Variants in DPP10 observed in about 807,000 individuals in gnomAD.
DPP10 encodes inactive dipeptidyl peptidase 10.
A neutral mutation model predicts 120.9 loss-of-function variants in DPP10; 33 were observed. The ratio of observed to expected loss-of-function variants is 0.27; its 90% confidence interval spans 0.21 to 0.37. DPP10 has a LOEUF of 0.37. Among genes scored for constraint, DPP10 ranks in the 10% least tolerant of loss-of-function variants. DPP10 has a pLI of 1.00. For synonymous variants in DPP10, 337 were observed against 326.1 expected (o/e 1.03, Z -0.36); for missense variants, 816 against 942.8 (o/e 0.87, Z 1.76).
At chr2:115,586,585 GT>G (rs1360924340) in intron 5 of DPP10, among the ~76,000 whole-genome samples, 1 of 152,134 alleles carries the variant, frequency 6.6e-6, no homozygotes, top group Non-Finnish European at 1.5e-5. Flanking sequence ...GAAAATGCCT[GT>G]TTTCCCACAG....
chr2:115,766,326 G>GTATATGTATATATATATA (rs1680748588), intron 12 of DPP10, among the ~76,000 whole-genome samples: 8 of 50,308 alleles, frequency 1.6e-4, no homozygotes, highest in African/African-American at 5.4e-4. Flanking sequence ...ATATATATAT[G>GTATATGTATATATATATA]TATATATATA....
At chr2:115,451,301 C>T (rs900327228) in intron 3 of DPP10, among the ~76,000 whole-genome samples, 5 of 151,820 alleles carry the variant, frequency 3.3e-5, no homozygotes, top group African/African-American at 1.2e-4. Context: ...AGTTTAAATA[C>T]ATATAATTTA....
chr2:114,816,302 A>G (rs1371191694), intron 1 of DPP10, among the ~76,000 whole-genome samples: 1 of 152,180 alleles, frequency 6.6e-6, no homozygotes, highest in East Asian at 1.9e-4. Context: ...TTCTGTCACA[A>G]CTACTCAACT....
rs1573562710 is a variant in DPP10 at position 115,087,890 on chromosome 2, A to G, written c.61-221349A>G. Among the ~76,000 whole-genome samples the G allele has an allele frequency of 2.0e-5, 3 of 152,132 alleles. No homozygotes were observed. The East Asian group carries it at 5.8e-4, about 29-fold the overall frequency. On this transcript the variant is annotated intron_variant, in intron 1 of 25. Transcript: ENST00000410059. ...TCTAACAAGTTCTCAAGTTATGCAG[A>G]TGCTGTCAGGTGGTGTCTTGGTTGA...
At chr2:115,039,083 G>A (rs1704445112) in intron 1 of DPP10, among the ~76,000 whole-genome samples, 1 of 152,196 alleles carries the variant, frequency 6.6e-6, no homozygotes. Flanking sequence ...GAGAAGGACA[G>A]TGGTATCCTA....
chr2:115,007,788 C>A (rs1457116251), intron 1 of DPP10, among the ~76,000 whole-genome samples: 16 of 148,014 alleles, frequency 1.1e-4, no homozygotes, highest in Admixed American at 1.0e-3. Flanking sequence ...CAACAACAGA[C>A]AAACAGAGAG....
At chr2:115,311,068 T>C (rs1037706810) in intron 2 of DPP10, among the ~76,000 whole-genome samples, 5 of 152,180 alleles carry the variant, frequency 3.3e-5, no homozygotes, top group Non-Finnish European at 7.3e-5. Flanking sequence ...TTTCCCAGTA[T>C]AAAACCACAG....
At chr2:115,432,556 T>C (rs1422669524) in intron 3 of DPP10, among the ~76,000 whole-genome samples, 1 of 151,968 alleles carries the variant, frequency 6.6e-6, no homozygotes, top group Middle Eastern at 3.2e-3. Flanking sequence ...CTATAGATTG[T>C]TATTGATACA....
chr2:114,929,561 A>G (rs931780101), intron 1 of DPP10, among the ~76,000 whole-genome samples: 2 of 152,214 alleles, frequency 1.3e-5, no homozygotes, highest in Non-Finnish European at 2.9e-5. Context: ...AAGAAGAGAA[A>G]TGTGACTCTG....
intron 5 of DPP10, among the ~76,000 whole-genome samples, chr2:115,548,909 C>A (rs2079693175): frequency 6.6e-6 from 1 of 152,182 alleles, no homozygotes; most frequent in African/African-American, 2.4e-5. Context: ...ATGTAATGTT[C>A]TCTTGATTCT....
chr2:115,219,798 A>C (rs1042704497), intron 1 of DPP10, among the ~76,000 whole-genome samples: 1 of 152,230 alleles, frequency 6.6e-6, no homozygotes, highest in Non-Finnish European at 1.5e-5. Context: ...AGCTGACTGC[A>C]AATATGCTGA....
chr2:115,152,215 T>A (rs2104904963), intron 1 of DPP10, among the ~76,000 whole-genome samples: 1 of 152,358 alleles, frequency 6.6e-6, no homozygotes, highest in South Asian at 2.1e-4. Flanking sequence ...CTGTCACAAA[T>A]ACTTAACATT....
At chr2:115,156,409 G>A (rs2051915107) in intron 1 of DPP10, among the ~76,000 whole-genome samples, 1 of 152,090 alleles carries the variant, frequency 6.6e-6, no homozygotes, top group African/African-American at 2.4e-5. Flanking sequence ...TGTTTTCTAG[G>A]GGAAAATTCA....
intron 1 of DPP10, among the ~76,000 whole-genome samples, chr2:115,000,597 G>A (rs1701378066): frequency 6.6e-6 from 1 of 152,060 alleles, no homozygotes; most frequent in Admixed American, 6.6e-5. Flanking sequence ...AAACCCATTT[G>A]ATCTGTGTTT....
At chr2:114,961,859 C>A (rs1698664322) in intron 1 of DPP10, among the ~76,000 whole-genome samples, 1 of 152,044 alleles carries the variant, frequency 6.6e-6, no homozygotes, top group Admixed American at 6.6e-5. Context: ...GAGGCTGAGG[C>A]AGGAGAATTG....
At chr2:115,602,091 G>T (rs1024509134) in intron 5 of DPP10, among the ~76,000 whole-genome samples, 1 of 152,070 alleles carries the variant, frequency 6.6e-6, no homozygotes, top group Non-Finnish European at 1.5e-5. Context: ...TTCTAAAAAT[G>T]GACATTTTCA....
intron 1 of DPP10, among the ~76,000 whole-genome samples, chr2:114,602,195 A>T (rs1045795129): frequency 6.6e-6 from 1 of 151,898 alleles, no homozygotes; most frequent in Non-Finnish European, 1.5e-5. Flanking sequence ...AAAAGAAAAA[A>T]ATGATGGTAC....
chr2:114,938,691 A>T (rs1040299219), intron 1 of DPP10, among the ~76,000 whole-genome samples: 1 of 146,944 alleles, frequency 6.8e-6, no homozygotes, highest in Non-Finnish European at 1.5e-5. Context: ...CATTTGTCTA[A>T]TTCTTCCTTT....
intron 1 of DPP10, among the ~76,000 whole-genome samples, chr2:115,056,470 C>A (rs1705923216): frequency 6.6e-6 from 1 of 152,162 alleles, no homozygotes; most frequent in Non-Finnish European, 1.5e-5. Context: ...AGTGATGCTC[C>A]TACCTCAGCT....
Sources: allele counts gnomAD v4.1 joint callset (sites outside exome capture counted in the v4.1 genomes callset), GRCh38; gene constraint gnomAD v4.1.1; transcripts MANE v1.5; gene names NCBI Gene and HGNC (gene_info 2026-07-23, HGNC 2026-07-21).